Variants in HINT3 observed in about 807,000 individuals in gnomAD.
The protein encoded by HINT3 is adenosine 5'-monophosphoramidase HINT3.
In HINT3, 16 loss-of-function variants were observed where a neutral mutation model predicts 19.1. That is an observed-to-expected ratio of 0.84 (90% CI 0.57 to 1.27). The LOEUF (loss-of-function observed/expected upper bound fraction) is 1.27, where lower values mean the gene tolerates loss of function less well. Ranked by LOEUF, HINT3 falls within the 50% of genes most tolerant of loss-of-function variation. The probability of loss-of-function intolerance (pLI) is 0.00; values close to 1 mark genes in which losing one functional copy is unlikely to be tolerated. For missense variants in HINT3, 197 were observed against 225.8 expected, an observed-to-expected ratio of 0.87 and a Z score of 0.82; for synonymous variants, 75 against 84.8, an observed-to-expected ratio of 0.88 and a Z score of 0.63.
At chr6:125,964,915 G>A (rs1788994869) in intron 1 of HINT3, among the ~76,000 whole-genome samples, 1 of 152,112 alleles carries the variant, frequency 6.6e-6, no homozygotes, top group South Asian at 2.1e-4. Context: ...ATTTCAGAAA[G>A]CTTCATGGAA....
chr6:125,957,874 T>C (rs1057358299), intron 1 of HINT3, among the ~76,000 whole-genome samples: 8 of 152,334 alleles, frequency 5.3e-5, no homozygotes, highest in Admixed American at 4.6e-4. Flanking sequence ...GCTCCAAAGA[T>C]TGTGTCTTTT....
rs1789219756 is a variant in HINT3 at position 125,979,473 on chromosome 6, G to GC, written c.*1799dup. 6.6e-6 allele frequency: 1 copy of GC among 152,200 alleles called. No individual in the cohort carries two copies. Among genetic ancestry groups the GC allele is most frequent in the African/African-American group, 2.4e-5 (1 of 41,446 alleles). The allele number at this position is 152,200 out of a possible 1,614,324, so 9.4% of individuals were successfully genotyped here. A position where few individuals can be genotyped will look rare whatever the true frequency, so the allele number is the denominator to read the frequency against. On this transcript the variant is annotated 3_prime_UTR_variant, in exon 5 of 5. Coordinates refer to ENST00000229633, the MANE Select transcript of HINT3 (RefSeq NM_138571.5). ...TATTTAACAATAATAGGTAAAGTAG[G>GC]CCGGGTGTGGTGGCTCACGCCTGTA...
At chr6:125,973,536 T>C (rs1789139514) in intron 3 of HINT3, among the ~76,000 whole-genome samples, 1 of 152,202 alleles carries the variant, frequency 6.6e-6, no homozygotes, top group African/African-American at 2.4e-5. Flanking sequence ...ATGCTACTTG[T>C]GGTGTACTCT....
chr6:125,962,155 TATATACAC>T (rs1414499582), intron 1 of HINT3, among the ~76,000 whole-genome samples: 4 of 60,338 alleles, frequency 6.6e-5, no homozygotes, highest in Non-Finnish European at 1.0e-4. Context: ...AACCCATATA[TATATACAC>T]ATATATATAT....
chr6:125,973,937 A>T (rs186375042), intron 3 of HINT3, among the ~76,000 whole-genome samples: 36 of 152,276 alleles, frequency 2.4e-4, no homozygotes, highest in African/African-American at 8.7e-4. Flanking sequence ...AGATTATTTG[A>T]TTCTACATTA....
chr6:125,962,943 G>C (rs185553264), intron 1 of HINT3, among the ~76,000 whole-genome samples: 202 of 152,212 alleles, frequency 1.3e-3, no homozygotes, highest in Middle Eastern at 3.4e-3. Flanking sequence ...GTCTTAAAAG[G>C]CTCATTAGAT....
At chr6:125,962,793 C>T (rs1184187352) in intron 1 of HINT3, among the ~76,000 whole-genome samples, 1 of 151,970 alleles carries the variant, frequency 6.6e-6, no homozygotes, top group East Asian at 1.9e-4. Context: ...GCAGATGACA[C>T]TCCCAAAGGG....
rs546251811 is a variant in HINT3 at position 125,978,196 on chromosome 6, G to T, written c.*520G>T. 6.6e-6 allele frequency: 1 copy of T among 152,154 alleles called. No individual in the cohort carries two copies. Among genetic ancestry groups the T allele is most frequent in the Non-Finnish European group, 1.5e-5 (1 of 67,950 alleles). 9.4% of individuals were successfully genotyped at this position (152,154 alleles called of 1,614,324 possible). On this transcript the variant is annotated 3_prime_UTR_variant, in exon 5 of 5. Coordinates refer to ENST00000229633, the MANE Select transcript of HINT3 (RefSeq NM_138571.5). ...TTTGCTGAGGGAAGGAATTATATAT[G>T]TGCCACTTTTTCCTCAAATTTCAGA...
At chr6:125,963,210 C>A (rs904039710) in intron 1 of HINT3, among the ~76,000 whole-genome samples, 1 of 152,088 alleles carries the variant, frequency 6.6e-6, no homozygotes, top group African/African-American at 2.4e-5. Context: ...GCAGCTTTTT[C>A]CCAACAAAAA....
chr6:125,966,741 C>G (rs548666320), intron 1 of HINT3, 146 bp from the exon 2 acceptor site: 2 of 518,162 alleles, frequency 3.9e-6, no homozygotes, highest in East Asian at 3.2e-5. Context: ...GAACTTAATG[C>G]GTAATTATAA....
At chr6:125,973,134 G>A (rs2128711875) in intron 3 of HINT3, among the ~76,000 whole-genome samples, 1 of 127,124 alleles carries the variant, frequency 7.9e-6, no homozygotes, top group Middle Eastern at 6.4e-3. Context: ...GGAGTGCAGT[G>A]GTGCGATCTT....
chr6:125,957,308 C>G, intron 1 of HINT3, 130 bp downstream of exon 1: 1 of 1,000,582 alleles, frequency 1.0e-6, no homozygotes, highest in Admixed American at 2.7e-5. Flanking sequence ...GAGGCAGGGC[C>G]GCTCTGTGTG....
At chr6:125,964,779 C>T (rs1321587485) in intron 1 of HINT3, among the ~76,000 whole-genome samples, 2 of 148,620 alleles carry the variant, frequency 1.3e-5, no homozygotes, top group Admixed American at 1.3e-4. Context: ...CACACACAAT[C>T]ATTTCATATT....
intron 2 of HINT3, among the ~76,000 whole-genome samples, chr6:125,971,169 A>G (rs1354159032): frequency 2.0e-5 from 3 of 152,208 alleles, no homozygotes; most frequent in African/African-American, 7.2e-5. Context: ...AGGCCATAAA[A>G]CACCAAGAGA....
intron 1 of HINT3, among the ~76,000 whole-genome samples, chr6:125,966,466 G>A (rs1789018887): frequency 6.6e-6 from 1 of 152,110 alleles, no homozygotes; most frequent in Non-Finnish European, 1.5e-5. Context: ...TTATAATTGA[G>A]GAAAATGCTA....
At chr6:125,961,571 A>G (rs1040642146) in intron 1 of HINT3, among the ~76,000 whole-genome samples, 1 of 152,158 alleles carries the variant, frequency 6.6e-6, no homozygotes, top group Non-Finnish European at 1.5e-5. Flanking sequence ...GAACTCAGGG[A>G]AACACTTAGG....
intron 2 of HINT3, among the ~76,000 whole-genome samples, chr6:125,970,536 A>G (rs1332775720): frequency 2.6e-5 from 4 of 152,232 alleles, no homozygotes; most frequent in African/African-American, 9.6e-5. Flanking sequence ...ATTCCATTAC[A>G]TTTTCCTCTT....
chr6:125,974,675 G>A (rs927525540), intron 3 of HINT3, among the ~76,000 whole-genome samples, 172 bp from the exon 4 acceptor site: 4 of 152,318 alleles, frequency 2.6e-5, no homozygotes, highest in African/African-American at 9.6e-5. Context: ...GAAAAGAAGA[G>A]GAAGTGTGTG....
At chr6:125,960,872 T>C (rs1400243967) in intron 1 of HINT3, among the ~76,000 whole-genome samples, 1 of 152,166 alleles carries the variant, frequency 6.6e-6, no homozygotes, top group Admixed American at 6.5e-5. Context: ...TTACTAAATA[T>C]AAAAGTAGGC....
Sources: gnomAD v4.1 joint callset for allele counts (sites outside exome capture counted in the v4.1 genomes callset) on GRCh38, gnomAD v4.1.1 for gene constraint, MANE v1.5 for transcripts, NCBI Gene and HGNC (gene_info 2026-07-23, HGNC 2026-07-21) for gene names.